The following ZNF385D variants were observed in gnomAD, a reference collection of about 807,000 sequenced individuals.
ZNF385D encodes the protein zinc finger protein 659.
A neutral mutation model predicts 35.8 loss-of-function variants in ZNF385D; 15 were observed. The ratio of observed to expected loss-of-function variants is 0.42; its 90% CI spans 0.28 to 0.64. ZNF385D has a LOEUF of 0.64. ZNF385D is among the 30% of genes least tolerant of loss of function. The probability of loss-of-function intolerance (pLI) is 0.23; values close to 1 mark genes in which losing one functional copy is unlikely to be tolerated. For missense variants in ZNF385D, 474 were observed against 494.6 expected, an observed-to-expected ratio of 0.96 and a Z score of 0.39; for synonymous variants, 212 against 186.8, an observed-to-expected ratio of 1.13 and a Z score of -1.10.
At chr3:22,315,999 C>G (rs998795440) in intron 2 of ZNF385D, among the ~76,000 whole-genome samples, 11 of 152,186 alleles carry the variant, frequency 7.2e-5, no homozygotes, top group Non-Finnish European at 1.3e-4. Flanking sequence ...CCCAGTTGCT[C>G]TGATAACATT....
chr3:22,031,604 A>G (rs189193571), intron 3 of ZNF385D, among the ~76,000 whole-genome samples: 89 of 152,248 alleles, frequency 5.8e-4, no homozygotes, highest in Middle Eastern at 3.4e-3. Flanking sequence ...TGGGCCTACA[A>G]AACCATTTTT....
chr3:21,525,381 CTAAG>C (rs1009908606), intron 3 of ZNF385D, among the ~76,000 whole-genome samples: 1 of 151,850 alleles, frequency 6.6e-6, no homozygotes, highest in Non-Finnish European at 1.5e-5. Flanking sequence ...AAAGTTTTCT[CTAAG>C]TAAGAATTAT....
At chr3:21,801,416 G>A (rs972094395) in intron 3 of ZNF385D, among the ~76,000 whole-genome samples, 1 of 152,148 alleles carries the variant, frequency 6.6e-6, no homozygotes, top group African/African-American at 2.4e-5. Flanking sequence ...TCTTTTAAGT[G>A]TTTGGTAAAA....
At chr3:21,764,875 C>T (rs1185824694) in intron 3 of ZNF385D, among the ~76,000 whole-genome samples, 1 of 152,072 alleles carries the variant, frequency 6.6e-6, no homozygotes, top group Non-Finnish European at 1.5e-5. Flanking sequence ...GGCTCCCAAG[C>T]TTATTTTTTT....
chr3:22,016,653 G>A (rs1002986473), intron 3 of ZNF385D, among the ~76,000 whole-genome samples: 9 of 151,874 alleles, frequency 5.9e-5, no homozygotes, highest in African/African-American at 2.2e-4. Context: ...AAATTTTAGG[G>A]GCTTTCTTAG....
chr3:21,917,277 C>T (rs2125920639), intron 3 of ZNF385D, among the ~76,000 whole-genome samples: 2 of 152,182 alleles, frequency 1.3e-5, no homozygotes, highest in East Asian at 3.9e-4. Flanking sequence ...GCTAAAAATA[C>T]AGAAATTAGC....
At chr3:22,169,980 G>C (rs2125759583) in intron 2 of ZNF385D, among the ~76,000 whole-genome samples, 1 of 152,234 alleles carries the variant, frequency 6.6e-6, no homozygotes, top group Non-Finnish European at 1.5e-5. Context: ...GCAATAATTA[G>C]AGTAACTATT....
At chr3:22,014,476 C>A (rs6770681) in intron 3 of ZNF385D, among the ~76,000 whole-genome samples, 23,887 of 152,010 alleles carry the variant, frequency 0.16, 3,280 homozygotes, top group African/African-American at 0.37. Flanking sequence ...ATGGAATGCT[C>A]ATCAAACAAA....
intron 3 of ZNF385D, among the ~76,000 whole-genome samples, chr3:21,777,426 A>G (rs868636859): frequency 1.3e-5 from 2 of 151,918 alleles, no homozygotes; most frequent in Non-Finnish European, 2.9e-5. Flanking sequence ...CATCATGTTC[A>G]TGGGTTATCT....
At chr3:21,482,770 C>T (rs372144088) in intron 4 of ZNF385D, among the ~76,000 whole-genome samples, 117 of 152,236 alleles carry the variant, frequency 7.7e-4, no homozygotes, top group African/African-American at 2.7e-3. Context: ...TACCATGGTA[C>T]TCTTCTGCTT....
At chr3:21,653,877 A>C (rs1451527324) in intron 2 of ZNF385D, among the ~76,000 whole-genome samples, 1 of 152,106 alleles carries the variant, frequency 6.6e-6, no homozygotes, top group East Asian at 1.9e-4. Context: ...TATCTGTCTT[A>C]TATCACAGGT....
intron 2 of ZNF385D, among the ~76,000 whole-genome samples, chr3:22,271,622 A>G (rs894963373): frequency 6.6e-6 from 1 of 151,794 alleles, no homozygotes; most frequent in Non-Finnish European, 1.5e-5. Flanking sequence ...GTTTCCTGAA[A>G]CACAACTTCA....
At chr3:21,988,263 A>C (rs1263624765) in intron 3 of ZNF385D, among the ~76,000 whole-genome samples, 2 of 120,922 alleles carry the variant, frequency 1.7e-5, no homozygotes, top group East Asian at 2.4e-4. Flanking sequence ...TAGAGTTTCC[A>C]GTTTTTCTGT....
chr3:21,808,367 G>T (rs192982877), intron 3 of ZNF385D, among the ~76,000 whole-genome samples: 3 of 152,122 alleles, frequency 2.0e-5, no homozygotes, highest in Non-Finnish European at 4.4e-5. Context: ...GAAAACACTA[G>T]AAGCTATGAC....
chr3:21,455,714 G>A lies in ZNF385D; in HGVS notation c.440-18511C>T, dbSNP rs1187934483. 2.0e-5 allele frequency among the ~76,000 whole-genome samples: 3 copies of A among 152,084 alleles called. No homozygotes were observed. The East Asian group carries it at 5.8e-4, about 29-fold the overall frequency. On this transcript the variant is annotated intron_variant, in intron 4 of 7. Transcript: ENST00000281523. ...CCTGTCTAAAACACCAAAAGCAATG[G>A]CAACAAAAGCCAAAATTGACAAATG... is the stretch of plus-strand genomic sequence containing the variant.
At chr3:21,489,024 A>G (rs1043229087) in intron 4 of ZNF385D, among the ~76,000 whole-genome samples, 9 of 152,256 alleles carry the variant, frequency 5.9e-5, no homozygotes, top group African/African-American at 2.2e-4. Flanking sequence ...ATGAAAGCTC[A>G]CTGGTTAACA....
At chr3:22,115,871 TATCTTTGCAATTTTTG>T (rs1352643075) in intron 3 of ZNF385D, among the ~76,000 whole-genome samples, 1 of 152,088 alleles carries the variant, frequency 6.6e-6, no homozygotes, top group African/African-American at 2.4e-5. Flanking sequence ...AAAATAAAAC[TATCTTTGCAATTTTTG>T]ATCTTGTCAA....
intron 3 of ZNF385D, among the ~76,000 whole-genome samples, chr3:21,916,272 T>C (rs1241838520): frequency 6.6e-6 from 1 of 152,164 alleles, no homozygotes; most frequent in Non-Finnish European, 1.5e-5. Flanking sequence ...TTTTGTCAAT[T>C]TAAATAACAA....
chr3:21,416,015 CTTTTTTTTTT>C lies in ZNF385D; in HGVS notation c.*5189_*5198del, dbSNP rs1199662864. 6.8e-5 allele frequency: 2 copies of C among 29,474 alleles called. 1 individual carries two copies. The highest frequency in any genetic ancestry group is 9.9e-5 in the Non-Finnish European group (2 of 20,208). 1.8% of individuals were successfully genotyped at this position (29,474 alleles called of 1,614,324 possible). ...GACTCTTCATGACCTGCATGAACTT[CTTTTTTTTTT>C]TTTTTTTTTTTTTTTTGAGACGGAG... On this transcript the variant is annotated 3_prime_UTR_variant, in exon 8 of 8. Transcript: ENST00000281523.
Sources: allele counts gnomAD v4.1 joint callset (sites outside exome capture counted in the v4.1 genomes callset), GRCh38; gene constraint gnomAD v4.1.1; transcripts MANE v1.5; gene names NCBI Gene and HGNC (gene_info 2026-07-23, HGNC 2026-07-21).